PDE2A: variants seen among roughly 807,000 people sequenced by gnomAD.
The protein encoded by PDE2A is phosphodiesterase 2A.
PDE2A carries 53 observed loss-of-function variants against 133.6 expected under a neutral mutation model. The ratio of observed to expected loss-of-function variants is 0.40; its 90% CI spans 0.32 to 0.50. The LOEUF is 0.50. Among genes scored for constraint, PDE2A ranks in the 20% least tolerant of loss-of-function variants. The probability of loss-of-function intolerance (pLI) is 0.73; values close to 1 mark genes in which losing one functional copy is unlikely to be tolerated. For synonymous variants in PDE2A, 491 were observed against 490.2 expected (o/e 1.00, Z -0.02); for missense variants, 796 against 1,232.4 (o/e 0.65, Z 5.30).
At chr11:72,654,532 C>G (rs2135451529) in intron 1 of PDE2A, among the ~76,000 whole-genome samples, 1 of 152,154 alleles carries the variant, frequency 6.6e-6, no homozygotes, top group African/African-American at 2.4e-5. Flanking sequence ...GTGGGGTGGC[C>G]TGGGGTGGGT....
rs542473450 is a variant in PDE2A at position 72,577,136 on chromosome 11, G to C, written c.*248C>G. 1.1e-4 allele frequency: 55 copies of C among 509,242 alleles called. 1 individual carries two copies. In the East Asian group the frequency reaches 1.7e-3, roughly 16 times the overall value. The allele number at this position is 509,242 out of a possible 1,614,324, so 31.5% of individuals were successfully genotyped here. ...AAGGTGTGGTCAGAGGTGCAGAGTA[G>C]GGCCCACTGCTCATTGGTCACCCCT... On this transcript the variant is annotated 3_prime_UTR_variant, in exon 31 of 31. Coordinates refer to ENST00000334456, the MANE Select transcript of PDE2A (RefSeq NM_002599.5).
intron 2 of PDE2A, among the ~76,000 whole-genome samples, chr11:72,639,732 C>A (rs551965867): frequency 6.6e-6 from 1 of 152,152 alleles, no homozygotes; most frequent in Non-Finnish European, 1.5e-5. Flanking sequence ...CCGCCGGAAA[C>A]CCAAAACAAA....
At chr11:72,633,066 G>A (rs2365769) in intron 2 of PDE2A, among the ~76,000 whole-genome samples, 21,867 of 152,118 alleles carry the variant, frequency 0.14, 1,645 homozygotes, top group Middle Eastern at 0.18. Context: ...GCACCAACCC[G>A]CCAATAACCT....
chr11:72,629,827 GA>G (rs1284763213), intron 2 of PDE2A, among the ~76,000 whole-genome samples: 3 of 152,162 alleles, frequency 2.0e-5, no homozygotes, highest in African/African-American at 7.2e-5. Context: ...CCCCAAATGT[GA>G]AATAGGAATA....
intron 2 of PDE2A, among the ~76,000 whole-genome samples, chr11:72,632,019 C>T (rs1428311956): frequency 6.6e-6 from 1 of 152,176 alleles, no homozygotes; most frequent in Non-Finnish European, 1.5e-5. Flanking sequence ...GCTTCAGAAT[C>T]GTGTGGTGGG....
chr11:72,658,599 C>G lies in PDE2A; in HGVS notation c.71+15538G>C, dbSNP rs187028584. Among the ~76,000 whole-genome samples, 9 of 152,218 alleles carry G rather than the reference C, an allele frequency of 5.9e-5. No individual in the cohort carries two copies. The East Asian group carries it at 1.7e-3, about 29-fold the overall frequency. ...CCTCCCGCCTCAGCTTCCCAAAGTG[C>G]TGGGGATTACAGGCATGAGACACCA... On this transcript the variant is annotated intron_variant, in intron 1 of 30. Transcript: ENST00000334456.
intron 1 of PDE2A, among the ~76,000 whole-genome samples, chr11:72,650,876 TACACACACACACACACACACAC>T (rs58905066): frequency 1.8e-4 from 23 of 130,384 alleles, no homozygotes; most frequent in African/African-American, 4.4e-4. Flanking sequence ...CAGTCCCCAC[TACACACACACACACACACACAC>T]ACACACACAC....
At chr11:72,638,117 G>A (rs1591115183) in intron 2 of PDE2A, among the ~76,000 whole-genome samples, 1 of 151,826 alleles carries the variant, frequency 6.6e-6, no homozygotes, top group South Asian at 2.1e-4. Flanking sequence ...AGAGCAGCAT[G>A]GTGCTAGGAC....
At chr11:72,668,115 C>T (rs1855290036) in intron 1 of PDE2A, among the ~76,000 whole-genome samples, 1 of 152,208 alleles carries the variant, frequency 6.6e-6, no homozygotes, top group Non-Finnish European at 1.5e-5. Context: ...ACACAAAGTC[C>T]AAACTCTCAG....
In PDE2A at chr11:72,588,189, C is replaced by G. The variant is rs544800761; in HGVS notation, c.1070+595G>C. On this transcript the variant is annotated intron_variant, in intron 13 of 30. Transcript: ENST00000334456. ...ATCCATTTGCAATAAAATTCAGGCA[C>G]CTACTGCCTGTTTATGAGTTGGTGT... 9.2e-5 allele frequency among the ~76,000 whole-genome samples: 14 copies of G among 152,266 alleles called. 1 individual carries two copies. Among genetic ancestry groups the G allele is most frequent in the African/African-American group, 3.1e-4 (13 of 41,560 alleles).
At chr11:72,650,019 CTTT>C (rs746774086) in intron 1 of PDE2A, among the ~76,000 whole-genome samples, 30 of 129,104 alleles carry the variant, frequency 2.3e-4, no homozygotes, top group African/African-American at 3.1e-4. Flanking sequence ...AGCCCTGAGA[CTTT>C]TTTTTTTTTT....
chr11:72,584,858 C>A lies in PDE2A; in HGVS notation c.1359+14G>T. 1.2e-6 allele frequency: 2 copies of A among 1,613,232 alleles called. No individual in the cohort carries two copies. ...ACACCCCTAGGGCCACATACTCCCT[C>A]CACACCCTCTCACCTCATCATCCAC... On this transcript the variant is annotated intron_variant, in intron 17 of 30. Coordinates refer to ENST00000334456, the MANE Select transcript of PDE2A (RefSeq NM_002599.5).
chr11:72,578,239 A>T lies in PDE2A; in HGVS notation c.2609T>A (p.Ile870Asn), dbSNP rs763006986. 1.9e-6 allele frequency: 3 copies of T among 1,594,508 alleles called. No homozygotes were observed. Among genetic ancestry groups the T allele is most frequent in the Non-Finnish European group, 2.6e-6 (3 of 1,162,000 alleles). Residue 870 changes from isoleucine (I) to asparagine (N), a missense_variant, in exon 30 of 31, where the codon ATC becomes AAC. By Grantham distance (149) the Ile-to-Asn change is moderately radical. Coordinates refer to ENST00000334456, the MANE Select transcript of PDE2A (RefSeq NM_002599.5). The surrounding 1 kb of genome is among the most constrained non-coding windows in gnomAD (Gnocchi z 4.2). ...ISFMEHIAMP[I>N]YKLLQDLFPK... ...TCCCCATGAGCTCACTCACTTGTAG[A>T]TGGGCATTGCAATGTGCTCCATGAA... is the stretch of plus-strand genomic sequence containing the variant.
rs1287942653 is a variant in PDE2A at position 72,659,657 on chromosome 11, G to A, written c.71+14480C>T. ...GGGAATTGTTAATCTATAGAGTGGG[G>A]TTTATGGCCTCTGGTTGGAGGAGGA... On this transcript the variant is annotated intron_variant, in intron 1 of 30. Coordinates refer to ENST00000334456, the MANE Select transcript of PDE2A (RefSeq NM_002599.5). 2.0e-5 allele frequency among the ~76,000 whole-genome samples: 3 copies of A among 152,132 alleles called. No homozygotes were observed. The East Asian group carries it at 5.8e-4, about 29-fold the overall frequency.
At chr11:72,609,197 T>C (rs1857099527) in intron 2 of PDE2A, among the ~76,000 whole-genome samples, 1 of 152,254 alleles carries the variant, frequency 6.6e-6, no homozygotes, top group Non-Finnish European at 1.5e-5. Flanking sequence ...CTCAGTCTCC[T>C]ATCTGTAAGT....
At chr11:72,669,394 G>C (rs370409903) in intron 1 of PDE2A, among the ~76,000 whole-genome samples, 1 of 149,586 alleles carries the variant, frequency 6.7e-6, no homozygotes, top group African/African-American at 2.6e-5. Flanking sequence ...TTTTCGGGGT[G>C]GGGGGGCAGT....
At chr11:72,657,692 T>G (rs990243249) in intron 1 of PDE2A, among the ~76,000 whole-genome samples, 1 of 152,198 alleles carries the variant, frequency 6.6e-6, no homozygotes, top group Non-Finnish European at 1.5e-5. Flanking sequence ...TCAGAGCTGA[T>G]CAGAGCAGCC....
At chr11:72,605,335 G>A in intron 3 of PDE2A, 109 bp from the exon 4 acceptor site, 1 of 499,642 alleles carries the variant, frequency 2.0e-6, no homozygotes, top group Non-Finnish European at 3.5e-6. Flanking sequence ...TGTGGGAGTG[G>A]AGCTCTGGCA....
At chr11:72,602,244 A>T (rs1280492436) in intron 4 of PDE2A, among the ~76,000 whole-genome samples, 1 of 152,206 alleles carries the variant, frequency 6.6e-6, no homozygotes, top group Admixed American at 6.5e-5. Flanking sequence ...CTGAGAGCCC[A>T]AACAGCGGCA....
Sources: allele counts gnomAD v4.1 joint callset (sites outside exome capture counted in the v4.1 genomes callset), GRCh38; gene constraint gnomAD v4.1.1; non-coding constraint Gnocchi (gnomAD v3.1); transcripts MANE v1.5; gene names NCBI Gene and HGNC (gene_info 2026-07-23, HGNC 2026-07-21).